Variants in CACNA1H observed in about 807,000 individuals in gnomAD.
CACNA1H encodes the protein calcium voltage-gated channel subunit alpha1 H.
In CACNA1H, 149 loss-of-function variants were observed where a neutral mutation model predicts 192.5. That is an observed-to-expected ratio of 0.77 (90% CI 0.68 to 0.89). CACNA1H has a LOEUF of 0.89. Among genes scored for constraint, CACNA1H ranks in the 40% least tolerant of loss-of-function variants. CACNA1H has a pLI of 0.00. For synonymous variants in CACNA1H, 2,202 were observed against 1,475.2 expected, an observed-to-expected ratio of 1.49 and a Z score of -11.29; for missense variants, 4,257 against 3,423.5, an observed-to-expected ratio of 1.24 and a Z score of -6.08.
At chr16:1,216,176 C>T (rs561297173) in intron 30 of CACNA1H, among the ~76,000 whole-genome samples, 10 of 152,326 alleles carry the variant, frequency 6.6e-5, no homozygotes, top group South Asian at 2.1e-4. Context: ...CCCGGCACCT[C>T]CTCCTGTTCC....
At chr16:1,216,843 C>A in intron 30 of CACNA1H, 89 bp from the exon 31 acceptor site, 1 of 1,040,024 alleles carries the variant, frequency 9.6e-7, no homozygotes, top group Non-Finnish European at 1.5e-6. Context: ...CAGGTGGGGT[C>A]TGGTGGCCGA....
intron 2 of CACNA1H, among the ~76,000 whole-genome samples, chr16:1,156,757 C>T (rs1261555093): frequency 1.3e-5 from 2 of 151,900 alleles, no homozygotes; most frequent in Admixed American, 1.3e-4. Context: ...GTCCGCCGGG[C>T]CCAGCCTGAG....
Position 1,218,011 on chromosome 16 carries a change from A to C in CACNA1H, c.5416A>C (p.Thr1806Pro). The part of the protein sequence containing the change: ...MAFLTLFRVS[T>P]GDNWNGIMKD... ...CTTCCTCACGCTGTTCCGCGTGTCC[A>C]CGGGGGACAACTGGAACGGGATCAT... Residue 1806 changes from threonine to proline, a missense_variant, in exon 32 of 35, where the codon ACG becomes CCG. Thr to Pro is a conservative substitution (Grantham distance 38). Transcript: ENST00000348261. The C allele has an allele frequency of 6.2e-7, 1 of 1,601,296 alleles. No individual in the cohort carries two copies. Among genetic ancestry groups the C allele is most frequent in the Non-Finnish European group, 8.5e-7 (1 of 1,174,442 alleles).
intron 17 of CACNA1H, among the ~76,000 whole-genome samples, chr16:1,209,708 G>A (rs923959972): frequency 6.6e-5 from 10 of 152,096 alleles, no homozygotes; most frequent in African/African-American, 1.9e-4. Context: ...AGCTGCTGCC[G>A]AGGCAGGGCC....
intron 27 of CACNA1H, among the ~76,000 whole-genome samples, chr16:1,214,522 G>A (rs1366528687): frequency 6.6e-6 from 1 of 152,200 alleles, no homozygotes; most frequent in African/African-American, 2.4e-5. Context: ...CATCTGGGCA[G>A]TACCTCCCAG....
chr16:1,195,660 G>T (rs1966882551), intron 4 of CACNA1H, 95 bp downstream of exon 4: 1 of 1,406,290 alleles, frequency 7.1e-7, no homozygotes, highest in Admixed American at 2.1e-5. Context: ...AAAATGGGAG[G>T]TGTGTTCTAG....
chr16:1,186,607 T>C, intron 2 of CACNA1H, among the ~76,000 whole-genome samples: 1 of 152,104 alleles, frequency 6.6e-6, no homozygotes, highest in East Asian at 1.9e-4. Context: ...TGGCCTGCAC[T>C]GTGGCTTCTG....
chr16:1,203,239 C>T lies in CACNA1H; in HGVS notation c.2003-771C>T, dbSNP rs752602822. Among the ~76,000 whole-genome samples, 48 of 152,168 alleles carry T rather than the reference C, an allele frequency of 3.2e-4. 1 individual carries two copies. Among genetic ancestry groups the T allele is most frequent in the Non-Finnish European group, 6.2e-4 (42 of 68,050 alleles). Reference sequence around the variant, plus strand: ...CTGTGTGTTATAAGAGGCACACGGGCTCCAAAGACAGCACGAAAACATCAC... The same window carrying T: ...CTGTGTGTTATAAGAGGCACACGGGTTCCAAAGACAGCACGAAAACATCAC... On this transcript the variant is annotated intron_variant, in intron 9 of 34. Transcript: ENST00000348261.
intron 2 of CACNA1H, among the ~76,000 whole-genome samples, chr16:1,184,944 C>G (rs867096250): frequency 2.0e-5 from 3 of 152,148 alleles, no homozygotes; most frequent in Non-Finnish European, 4.4e-5. Flanking sequence ...TTAAAGCGCA[C>G]GGGTTAGCGA....
At chr16:1,206,350 A>G in intron 12 of CACNA1H, 61 bp downstream of exon 12, 1 of 1,489,482 alleles carries the variant, frequency 6.7e-7, no homozygotes. Flanking sequence ...TGGGAGGCAA[A>G]GGCCCAGGGC....
At chr16:1,172,561 G>C (rs1227160323) in intron 2 of CACNA1H, among the ~76,000 whole-genome samples, 1 of 152,214 alleles carries the variant, frequency 6.6e-6, no homozygotes, top group Non-Finnish European at 1.5e-5. Context: ...AGGCGTGGGA[G>C]CAGTGGGTAG....
intron 2 of CACNA1H, among the ~76,000 whole-genome samples, chr16:1,181,874 G>A (rs190389824): frequency 6.6e-6 from 1 of 152,140 alleles, no homozygotes; most frequent in African/African-American, 2.4e-5. Flanking sequence ...ACCCGGACAC[G>A]CGCCTCAGGT....
rs1567508720 is a variant in CACNA1H, at chr16:1,200,549, A to G, written c.1097A>G (p.Tyr366Cys). The change falls in exon 7 of 35, where the codon TAC becomes TGC. Residue 366 changes from tyrosine (Y) to cysteine (C), a missense_variant. Transcript: ENST00000348261. ...GCCATCAACTTCGACAACATCGGCT[A>G]CGCCTGGATTGCCATCTTCCAGGTG... ...NGAINFDNIG[Y>C]AWIAIFQVIT... 1 of 1,612,154 alleles carries G rather than the reference A, an allele frequency of 6.2e-7. No homozygotes were observed. The highest frequency in any genetic ancestry group is 1.7e-5 in the Admixed American group (1 of 60,008).
At chr16:1,166,041 A>G (rs1309239475) in intron 2 of CACNA1H, among the ~76,000 whole-genome samples, 1 of 152,200 alleles carries the variant, frequency 6.6e-6, no homozygotes, top group African/African-American at 2.4e-5. Context: ...AGGGGGACAC[A>G]TTCCCATTTG....
At position 1,220,389 on chromosome 16, in the gene CACNA1H, C is replaced by T; in HGVS notation, c.6457C>T (p.Gln2153Ter). The T allele has an allele frequency of 6.6e-7, 1 of 1,523,318 alleles. No individual in the cohort carries two copies. The highest frequency in any genetic ancestry group is 2.3e-5 in the East Asian group (1 of 42,566). 94.4% of individuals were successfully genotyped at this position (1,523,318 alleles called of 1,614,324 possible). A position where few individuals can be genotyped will look rare whatever the true frequency, so the allele number is the denominator to read the frequency against. Residue 2153 changes from glutamine (Q) to a stop codon, truncating the protein, a stop_gained, in exon 35 of 35, where the codon CAG becomes TAG. Coordinates refer to ENST00000348261, the MANE Select transcript of CACNA1H (RefSeq NM_021098.3). LOFTEE classifies it low-confidence loss of function (END_TRUNC). ...GGACAAGCCGGGCCGGGCAGACGAG[C>T]AGTGGCGGCCCTCGGCGGAGCTGGG... The part of the protein sequence containing the change: ...FLDKPGRADE[Q>*]WRPSAELGSG...
At chr16:1,200,124 T>C (rs1490933866) in intron 6 of CACNA1H, 132 bp from the exon 7 acceptor site, 8 of 725,334 alleles carry the variant, frequency 1.1e-5, no homozygotes, top group African/African-American at 5.3e-5. Context: ...TCCCTAACCA[T>C]GATTAGTCCA....
chr16:1,162,639 T>TGGC (rs1737085338), intron 2 of CACNA1H, among the ~76,000 whole-genome samples: 2 of 93,154 alleles, frequency 2.1e-5, no homozygotes, highest in African/African-American at 8.3e-5. Context: ...ACACCTGGAG[T>TGGC]GGGGGGGGGG....
rs747200195 is a variant in CACNA1H, at chr16:1,209,412, C to T, written c.3744C>T (p.Asp1248=). 4.1e-5 allele frequency: 66 copies of T among 1,596,764 alleles called. No homozygotes were observed. Among genetic ancestry groups the T allele is most frequent in the Non-Finnish European group, 5.1e-5 (60 of 1,179,072 alleles). ...DAAELDDDSE[D]SCCLRLHKVL... Reference sequence around the variant, plus strand: ...CCGAGCTTGACGACGACTCGGAGGACGTGAGTGCGTGGCCCTGGGCCCACC... The same window carrying T: ...CCGAGCTTGACGACGACTCGGAGGATGTGAGTGCGTGGCCCTGGGCCCACC... The change falls in exon 17 of 35, where the codon GAC becomes GAT. Residue 1248 remains aspartate, a splice_region_variant and synonymous_variant. Coordinates refer to ENST00000348261, the MANE Select transcript of CACNA1H (RefSeq NM_021098.3).
chr16:1,177,607 G>A (rs1025884246), intron 2 of CACNA1H, among the ~76,000 whole-genome samples: 1 of 152,100 alleles, frequency 6.6e-6, no homozygotes, highest in African/African-American at 2.4e-5. Context: ...GTCCTAGTGT[G>A]CTTGGGCTGT....
Sources: gnomAD v4.1 joint callset for allele counts (sites outside exome capture counted in the v4.1 genomes callset) on GRCh38, gnomAD v4.1.1 for gene constraint, MANE v1.5 for transcripts, NCBI Gene and HGNC (gene_info 2026-07-23, HGNC 2026-07-21) for gene names.